The following BLM variants were observed in gnomAD, a reference collection of about 807,000 sequenced individuals.
BLM encodes the protein BLM RecQ like helicase.
BLM carries 95 observed loss-of-function variants against 135.3 expected under a neutral mutation model. The observed-to-expected ratio is 0.70, with a 90% CI of 0.59 to 0.83. BLM has a LOEUF of 0.83. Ranked by LOEUF, BLM falls within the 40% of genes least tolerant of loss-of-function variation. The pLI is 0.00. For missense variants in BLM, 1,518 were observed against 1,663.9 expected (o/e 0.91, Z 1.53); for synonymous variants, 520 against 589.2 (o/e 0.88, Z 1.70).
intron 8 of BLM, among the ~76,000 whole-genome samples, chr15:90,763,738 G>T (rs568721268): frequency 6.6e-6 from 1 of 152,312 alleles, no homozygotes; most frequent in Non-Finnish European, 1.5e-5. Context: ...GCACGATATT[G>T]TGTTGGCCCC....
rs1596230185 is a variant in BLM at position 90,760,956 on chromosome 15, C to T, written c.1583C>T (p.Thr528Ile). ...SYFPGNVLTS[T>I]AVKDQNKHTA... ...TTCCCAGGAAATGTTCTCACAAGCA[C>T]TGCTGTGAAAGATCAGAATAAACAT... The change falls in exon 7 of 22, where the codon ACT becomes ATT. Residue 528 changes from threonine (T) to isoleucine (I), a missense_variant. Around this residue, in one of 5 missense-constraint regions of BLM, gnomAD observed 724 missense variants for 756.9 expected, o/e 0.96. Transcript: ENST00000355112. 6 of 1,614,034 alleles carry T rather than the reference C, an allele frequency of 3.7e-6. No homozygotes were observed. The highest frequency in any genetic ancestry group is 5.1e-6 in the Non-Finnish European group (6 of 1,180,020).
At chr15:90,777,118 C>T (rs938051667) in intron 12 of BLM, among the ~76,000 whole-genome samples, 1 of 151,418 alleles carries the variant, frequency 6.6e-6, no homozygotes, top group Non-Finnish European at 1.5e-5. Context: ...GCTGGGACTA[C>T]AGGCACATAC....
At chr15:90,745,779 G>A (rs185120998) in intron 1 of BLM, among the ~76,000 whole-genome samples, 5 of 152,196 alleles carry the variant, frequency 3.3e-5, no homozygotes, top group Admixed American at 2.0e-4. Context: ...TGAAACTTAC[G>A]ATAAAAGTCT....
At chr15:90,799,574 G>A (rs549826918) in intron 17 of BLM, among the ~76,000 whole-genome samples, 9 of 137,650 alleles carry the variant, frequency 6.5e-5, no homozygotes, top group East Asian at 6.3e-4. Context: ...TAGAGTGGAA[G>A]AGATAAAAGT....
At chr15:90,760,570 C>T (rs1006246374) in intron 6 of BLM, 24 bp from the exon 7 acceptor site, 4 of 1,590,960 alleles carry the variant, frequency 2.5e-6, no homozygotes, top group East Asian at 2.2e-5. Context: ...ATATTTAATA[C>T]GTTGTTCTCT....
At chr15:90,789,065 C>CT (rs1896834171) in intron 14 of BLM, among the ~76,000 whole-genome samples, 1 of 145,956 alleles carries the variant, frequency 6.9e-6, no homozygotes, top group South Asian at 2.2e-4. Context: ...ATATATATAA[C>CT]TTTGATAAAA....
rs140539265 is a variant in BLM, at chr15:90,736,363, A to G, written c.-4-11026A>G. On this transcript the variant is annotated intron_variant, in intron 1 of 21. Transcript: ENST00000355112. Reference sequence around the variant, plus strand: ...ACTGCAGCTCAAACTCCCAGGCTCAATTGATCCCACCTTGGCCTCTGGAGT... The same window carrying G: ...ACTGCAGCTCAAACTCCCAGGCTCAGTTGATCCCACCTTGGCCTCTGGAGT... 2.9e-4 allele frequency among the ~76,000 whole-genome samples: 44 copies of G among 152,138 alleles called. 2 individuals are homozygous for G. Among genetic ancestry groups the G allele is most frequent in the South Asian group, 1.0e-3 (5 of 4,802 alleles).
At chr15:90,718,456 T>C (rs977144690) in intron 1 of BLM, among the ~76,000 whole-genome samples, 1 of 152,208 alleles carries the variant, frequency 6.6e-6, no homozygotes, top group African/African-American at 2.4e-5. Context: ...CCCATGCAGA[T>C]AAATAACACT....
At position 90,777,048 on chromosome 15, in the gene BLM, G is replaced by A. The variant is rs1307649183; in HGVS notation, c.2556-5774G>A. 3.3e-5 allele frequency among the ~76,000 whole-genome samples: 5 copies of A among 152,102 alleles called. No homozygotes were observed. In the East Asian group the frequency reaches 9.7e-4, roughly 29 times the overall value. The stretch of plus-strand genomic sequence containing the variant: ...GATGGGGTCTTACTCTCACTATGTT[G>A]CCCAGGCTGGTCTTGAACTCCTGGG... On this transcript the variant is annotated intron_variant, in intron 12 of 21. Coordinates refer to ENST00000355112, the MANE Select transcript of BLM (RefSeq NM_000057.4).
intron 17 of BLM, among the ~76,000 whole-genome samples, chr15:90,800,387 A>G (rs1897135198): frequency 6.6e-6 from 1 of 152,222 alleles, no homozygotes; most frequent in African/African-American, 2.4e-5. Context: ...GCAGACTAAC[A>G]AAAGTCAGGA....
At chr15:90,725,307 T>C (rs1413452116) in intron 1 of BLM, among the ~76,000 whole-genome samples, 1 of 152,224 alleles carries the variant, frequency 6.6e-6, no homozygotes, top group Non-Finnish European at 1.5e-5. Flanking sequence ...TCAAAAGTGC[T>C]TGCACTCCCA....
chr15:90,770,176 C>A lies in BLM; in HGVS notation c.2555+590C>A, dbSNP rs958831017. Among the ~76,000 whole-genome samples the A allele has an allele frequency of 1.2e-4, 17 of 141,170 alleles. No individual in the cohort carries two copies. In the South Asian group the frequency reaches 2.8e-3, roughly 23 times the overall value. 92.6% of individuals were successfully genotyped at this position (141,170 alleles called of 152,430 possible). On this transcript the variant is annotated intron_variant, in intron 12 of 21. Coordinates refer to ENST00000355112, the MANE Select transcript of BLM (RefSeq NM_000057.4). ...TCTACTATAAAAGAAATCCCCCCCC[C>A]CTTTTTTTTTTTTTTGAGATGGAGT... is the stretch of plus-strand genomic sequence containing the variant.
intron 14 of BLM, among the ~76,000 whole-genome samples, chr15:90,787,552 G>A (rs2151181896): frequency 6.6e-6 from 1 of 152,270 alleles, no homozygotes; most frequent in East Asian, 1.9e-4. Context: ...AAATTTTAGA[G>A]GATATCAGTT....
In BLM at chr15:90,804,151, T is replaced by C; in HGVS notation, c.3559-16T>C. On this transcript the variant is annotated splice_polypyrimidine_tract_variant and intron_variant, in intron 18 of 21. Transcript: ENST00000355112. ...CACATATACCCACTCCTATGATTTG[T>C]TTCTCTCTCATAAAGGTAGACTTTA... 1 of 1,609,864 alleles carries C rather than the reference T, an allele frequency of 6.2e-7. No homozygotes were observed. The highest frequency in any genetic ancestry group is 8.5e-7 in the Non-Finnish European group (1 of 1,176,486).
intron 1 of BLM, among the ~76,000 whole-genome samples, chr15:90,736,584 T>C (rs186359153): frequency 6.6e-6 from 1 of 152,312 alleles, no homozygotes; most frequent in East Asian, 1.9e-4. Context: ...TAGGGAAATA[T>C]GAATGCACAA....
chr15:90,743,703 C>T lies in BLM; in HGVS notation c.-4-3686C>T, dbSNP rs570679879. ...TACAGGCATGTTGGTGAACAATTTT[C>T]TTTTTGTGTCCAACAATTGTATCGA... On this transcript the variant is annotated intron_variant, in intron 1 of 21. Transcript: ENST00000355112. Among the ~76,000 whole-genome samples the T allele has an allele frequency of 2.4e-4, 36 of 152,196 alleles. No individual in the cohort carries two copies. In the East Asian group the frequency reaches 6.7e-3, roughly 29 times the overall value.
Position 90,765,339 on chromosome 15 carries a change from T to C in BLM, c.2118T>C (p.Ser706=), listed in dbSNP as rs1896094006. The change falls in exon 9 of 22, where the codon TCT becomes TCC. Residue 706 remains serine, a synonymous_variant. Coordinates refer to ENST00000355112, the MANE Select transcript of BLM (RefSeq NM_000057.4). ...GTTACCAGCTCCCTGCCTGTGTTTC[T>C]CCTGGGGTCACTGTTGTCATTTCTC... ...SLCYQLPACV[S]PGVTVVISPL... is the part of the protein sequence containing the mutation. The C allele has an allele frequency of 1.2e-6, 2 of 1,613,856 alleles. No homozygotes were observed. The highest frequency in any genetic ancestry group is 1.7e-6 in the Non-Finnish European group (2 of 1,179,860).
At chr15:90,808,899 C>T (rs1050783343) in intron 19 of BLM, 9 of 574,840 alleles carry the variant, frequency 1.6e-5, no homozygotes, top group Non-Finnish European at 2.8e-5. Context: ...TGCCCTGGCT[C>T]TTGCCCTTGC....
intron 3 of BLM, 51 bp from the exon 4 acceptor site, chr15:90,751,736 C>G (rs746660849): frequency 1.3e-6 from 2 of 1,512,936 alleles, no homozygotes; most frequent in East Asian, 4.5e-5. Flanking sequence ...CCTGTTCTTT[C>G]TGTCTCATTA....
Sources: allele counts gnomAD v4.1 joint callset (sites outside exome capture counted in the v4.1 genomes callset), GRCh38; gene constraint gnomAD v4.1.1; regional missense constraint gnomAD v4.1.1; transcripts MANE v1.5; gene names NCBI Gene and HGNC (gene_info 2026-07-23, HGNC 2026-07-21).